Variants in PRDM15 observed in about 807,000 individuals in gnomAD.
The protein encoded by PRDM15 is PR/SET domain 15.
PRDM15 carries 64 observed loss-of-function variants against 128.6 expected under a neutral mutation model. That is an observed-to-expected ratio of 0.50 (90% CI 0.41 to 0.61). The LOEUF is 0.61. PRDM15 is among the 20% of genes least tolerant of loss of function. The probability of loss-of-function intolerance (pLI) is 0.00; values close to 1 mark genes in which losing one functional copy is unlikely to be tolerated. For missense variants in PRDM15, 1,242 were observed against 1,569.1 expected (o/e 0.79, Z 3.52); for synonymous variants, 615 against 621.8 (o/e 0.99, Z 0.16).
intron 14 of PRDM15, among the ~76,000 whole-genome samples, chr21:41,823,029 C>CAAA (rs33972733): frequency 3.6e-4 from 32 of 89,830 alleles, no homozygotes; most frequent in Non-Finnish European, 5.4e-4. Flanking sequence ...GACTCCGTCT[C>CAAA]AAAAAAAAAA....
intron 11 of PRDM15, among the ~76,000 whole-genome samples, chr21:41,829,647 A>G (rs1174858162): frequency 6.6e-6 from 1 of 151,532 alleles, no homozygotes; most frequent in Non-Finnish European, 1.5e-5. Flanking sequence ...CACACCACAA[A>G]TACATTCAAC....
intron 1 of PRDM15, among the ~76,000 whole-genome samples, chr21:41,869,988 C>T (rs1465950109): frequency 6.6e-6 from 1 of 152,200 alleles, no homozygotes; most frequent in Non-Finnish European, 1.5e-5. Flanking sequence ...CGGCGGAGCC[C>T]AGTCAATGCA....
chr21:41,818,080 T>G lies in PRDM15; in HGVS notation c.2260+1502A>C, dbSNP rs150571900. 7.1e-4 allele frequency among the ~76,000 whole-genome samples: 108 copies of G among 152,150 alleles called. 3 individuals carry two copies. The East Asian group carries it at 0.02, about 28-fold the overall frequency. ...CTGAATAAGCCCCCACCCCTGCCCC[T>G]CCTGTCTCTACGCGCTACTCAGGAC... On this transcript the variant is annotated intron_variant, in intron 18 of 23. Coordinates refer to ENST00000398548, the MANE Select transcript of PRDM15 (RefSeq NM_001040424.3).
chr21:41,812,209 T>G (rs1483974184), intron 19 of PRDM15: 1 of 152,208 alleles, frequency 6.6e-6, no homozygotes, highest in Non-Finnish European at 1.5e-5. Context: ...CCAGGAAGTG[T>G]CACTGTTTTG....
At position 41,821,406 on chromosome 21, in the gene PRDM15, G is replaced by T. The variant is rs748124051; in HGVS notation, c.1897-176C>A. On this transcript the variant is annotated intron_variant, in intron 15 of 23. Transcript: ENST00000398548. This position sits in a 1 kb window ranked among gnomAD's most constrained non-coding sequence, Gnocchi z 5.4. ...TGGGGAACTTTTCCGAAGCCATAAG[G>T]CCTCATGCCCAAAACTCAAGAGCAC... 1.3e-5 allele frequency among the ~76,000 whole-genome samples: 2 copies of T among 152,214 alleles called. No individual in the cohort carries two copies. The highest frequency in any genetic ancestry group is 4.8e-5 in the African/African-American group (2 of 41,462).
Position 41,801,630 on chromosome 21 carries a change from G to C in PRDM15, c.3036C>G (p.Ala1012=), listed in dbSNP as rs564501415. Residue 1012 remains alanine (A), a synonymous_variant, in exon 24 of 24, where the codon GCC becomes GCG. Transcript: ENST00000398548. The part of the protein sequence containing the change: ...NITVTPITTA[A]ATQFTNLQPV... ...GCTGGAGATTGGTAAACTGAGTCGCGGCCGCAGTGGTGATGGGGGTCACGG... is the reference window on the plus strand; with the variant it reads ...GCTGGAGATTGGTAAACTGAGTCGCCGCCGCAGTGGTGATGGGGGTCACGG... 6 of 1,614,024 alleles carry C rather than the reference G, an allele frequency of 3.7e-6. No individual in the cohort carries two copies. In the Admixed American group the frequency reaches 1.0e-4, roughly 27 times the overall value.
chr21:41,817,511 T>C (rs2062094454), intron 18 of PRDM15, among the ~76,000 whole-genome samples: 2 of 152,058 alleles, frequency 1.3e-5, no homozygotes, highest in South Asian at 2.1e-4. Context: ...CTAGAATTTC[T>C]GGAAAAAAAT....
chr21:41,848,682 T>G (rs2063339870), intron 5 of PRDM15, among the ~76,000 whole-genome samples: 1 of 152,148 alleles, frequency 6.6e-6, no homozygotes, highest in East Asian at 1.9e-4. Flanking sequence ...TAAGGGGAAT[T>G]TCTTCGAATC....
intron 5 of PRDM15, among the ~76,000 whole-genome samples, chr21:41,847,605 C>T (rs1183986117): frequency 6.6e-6 from 1 of 152,190 alleles, no homozygotes; most frequent in Non-Finnish European, 1.5e-5. Flanking sequence ...CCCCAAACGG[C>T]CAGCCAGTGG....
At chr21:41,863,243 A>G (rs1206877971) in intron 1 of PRDM15, 1 of 151,826 alleles carries the variant, frequency 6.6e-6, no homozygotes, top group African/African-American at 2.4e-5. Flanking sequence ...ACCTTACATT[A>G]GTGATTTCAA....
At chr21:41,874,520 TATATA>T (rs1242658913) in intron 1 of PRDM15, among the ~76,000 whole-genome samples, 2,433 of 76,822 alleles carry the variant, frequency 0.032, 53 homozygotes, top group African/African-American at 0.086. Context: ...TATATATATA[TATATA>T]TTTTTTTTTT....
Position 41,858,039 on chromosome 21 carries a change from G to C in PRDM15, c.132-710C>G, listed in dbSNP as rs571319416. Among the ~76,000 whole-genome samples, 21 of 152,362 alleles carry C rather than the reference G, an allele frequency of 1.4e-4. No homozygotes were observed. The South Asian group carries it at 3.9e-3, about 29-fold the overall frequency. On this transcript the variant is annotated intron_variant, in intron 3 of 23. Transcript: ENST00000398548. ...GACAGAACAGGGTCAGACTGGTATGGGGTCCAGCGATGGAGGAGGGACCAC... is the reference window on the plus strand; with the variant it reads ...GACAGAACAGGGTCAGACTGGTATGCGGTCCAGCGATGGAGGAGGGACCAC...
rs915387693 is a variant in PRDM15, at chr21:41,854,511, C to A, written c.538+55G>T. 78 of 1,598,690 alleles carry A rather than the reference C, an allele frequency of 4.9e-5. No individual in the cohort carries two copies. Among genetic ancestry groups the A allele is most frequent in the Middle Eastern group, 3.6e-4 (2 of 5,590 alleles). Reference sequence around the variant, plus strand: ...TCAGCACAGAGCCAAGGGACCATAACCCCTTCGGCGAGGCACAAGGGAAGG... The same window carrying A: ...TCAGCACAGAGCCAAGGGACCATAAACCCTTCGGCGAGGCACAAGGGAAGG... On this transcript the variant is annotated intron_variant, in intron 5 of 23. Coordinates refer to ENST00000398548, the MANE Select transcript of PRDM15 (RefSeq NM_001040424.3). This position sits in a 1 kb window ranked among gnomAD's most constrained non-coding sequence, Gnocchi z 4.6.
At chr21:41,850,618 CAG>C (rs2063399393) in intron 5 of PRDM15, among the ~76,000 whole-genome samples, 2 of 152,030 alleles carry the variant, frequency 1.3e-5, no homozygotes, top group Non-Finnish European at 2.9e-5. Flanking sequence ...CCTGTGGTCC[CAG>C]CTACTAGGGA....
intron 1 of PRDM15, among the ~76,000 whole-genome samples, chr21:41,876,390 T>C (rs952438284): frequency 6.6e-6 from 1 of 152,138 alleles, no homozygotes; most frequent in African/African-American, 2.4e-5. Flanking sequence ...AGAAGGGGCT[T>C]GGTCACAGCA....
In PRDM15 at chr21:41,828,396, C is replaced by G; in HGVS notation, c.1367-63G>C. 6.4e-7 allele frequency: 1 copy of G among 1,565,860 alleles called. No individual in the cohort carries two copies. Among genetic ancestry groups the G allele is most frequent in the South Asian group, 1.1e-5 (1 of 89,772 alleles). On this transcript the variant is annotated intron_variant, in intron 11 of 23. Coordinates refer to ENST00000398548, the MANE Select transcript of PRDM15 (RefSeq NM_001040424.3). The surrounding 1 kb of genome is among the most constrained non-coding windows in gnomAD (Gnocchi z 5.7). ...GTAAATAACATCTCACGCAGGCACG[C>G]ACGTGTGGCCTGAACGTCAATAAAG...
chr21:41,834,845 G>A (rs900901025), intron 11 of PRDM15, among the ~76,000 whole-genome samples: 7 of 152,220 alleles, frequency 4.6e-5, no homozygotes, highest in Non-Finnish European at 1.0e-4. Context: ...CCCCAGGCCC[G>A]AAGAGGCCAC....
chr21:41,876,934 T>C (rs2064439758), intron 1 of PRDM15, among the ~76,000 whole-genome samples: 1 of 152,172 alleles, frequency 6.6e-6, no homozygotes, highest in African/African-American at 2.4e-5. Flanking sequence ...ATGCAGACTC[T>C]GCCCCGCCAC....
At position 41,879,328 on chromosome 21, in the gene PRDM15, G is replaced by T; in HGVS notation, c.-68C>A. On this transcript the variant is annotated 5_prime_UTR_variant, in exon 1 of 24. Coordinates refer to ENST00000398548, the MANE Select transcript of PRDM15 (RefSeq NM_001040424.3). The surrounding 1 kb of genome is among the most constrained non-coding windows in gnomAD (Gnocchi z 5.1). ...CGGACTCCGGGTTGCGATCCGCTCCGGAAACTGCGCAGCACCGGAAGCCGG... is the reference window on the plus strand; with the variant it reads ...CGGACTCCGGGTTGCGATCCGCTCCTGAAACTGCGCAGCACCGGAAGCCGG... 1.6e-5 allele frequency: 18 copies of T among 1,100,048 alleles called. No homozygotes were observed. Among genetic ancestry groups the T allele is most frequent in the Non-Finnish European group, 2.0e-5 (18 of 894,078 alleles). 68.1% of individuals were successfully genotyped at this position (1,100,048 alleles called of 1,614,324 possible). A position where few individuals can be genotyped will look rare whatever the true frequency, so the allele number is the denominator to read the frequency against.
Sources: gnomAD v4.1 joint callset for allele counts (sites outside exome capture counted in the v4.1 genomes callset) on GRCh38, gnomAD v4.1.1 for gene constraint, Gnocchi (gnomAD v3.1) non-coding constraint, MANE v1.5 for transcripts, NCBI Gene and HGNC (gene_info 2026-07-23, HGNC 2026-07-21) for gene names.